Variants in NBEA observed in about 807,000 individuals in gnomAD.
NBEA encodes the protein lysosomal-trafficking regulator 2.
NBEA carries 44 observed loss-of-function variants against 343.4 expected under a neutral mutation model. The ratio of observed to expected loss-of-function variants is 0.13; its 90% CI spans 0.10 to 0.16. The LOEUF is 0.16. NBEA is among the 10% of genes least tolerant of loss of function. NBEA has a pLI of 1.00. For missense variants in NBEA, 2,555 were observed against 3,631.3 expected, an observed-to-expected ratio of 0.70 and a Z score of 7.62; for synonymous variants, 1,175 against 1,238.7, an observed-to-expected ratio of 0.95 and a Z score of 1.08.
chr13:35,293,145 C>T (rs892503869), intron 35 of NBEA, among the ~76,000 whole-genome samples: 7 of 151,884 alleles, frequency 4.6e-5, no homozygotes, highest in African/African-American at 9.7e-5. Flanking sequence ...TCTAAATTTA[C>T]GTGAGATCAT....
intron 39 of NBEA, among the ~76,000 whole-genome samples, chr13:35,445,798 A>G (rs12874665): frequency 1.9e-3 from 157 of 83,954 alleles, no homozygotes; most frequent in Non-Finnish European, 2.1e-3. Context: ...ATATATATAT[A>G]TATATATATA....
At chr13:35,609,944 C>T (rs1346196480) in intron 48 of NBEA, among the ~76,000 whole-genome samples, 1 of 152,136 alleles carries the variant, frequency 6.6e-6, no homozygotes, top group African/African-American at 2.4e-5. Flanking sequence ...AGTAAAGGTC[C>T]TCAGTGATAT....
intron 1 of NBEA, among the ~76,000 whole-genome samples, chr13:35,026,505 A>G (rs2062024627): frequency 6.6e-6 from 1 of 152,064 alleles, no homozygotes; most frequent in Admixed American, 6.6e-5. Flanking sequence ...TTTCATAGTT[A>G]TCCATACCCA....
intron 1 of NBEA, among the ~76,000 whole-genome samples, chr13:35,036,526 TTAA>T (rs1188588235): frequency 2.0e-5 from 3 of 152,150 alleles, no homozygotes; most frequent in African/African-American, 7.2e-5. Context: ...TTATTGCTTA[TTAA>T]TGCCCTTTTC....
chr13:35,309,002 A>G (rs964107207), intron 35 of NBEA, among the ~76,000 whole-genome samples: 1 of 151,952 alleles, frequency 6.6e-6, no homozygotes, highest in Non-Finnish European at 1.5e-5. Flanking sequence ...GTTAATTTGT[A>G]ACTTTTTTCT....
At chr13:35,647,260 A>C (rs1004078036) in intron 51 of NBEA, among the ~76,000 whole-genome samples, 5 of 152,122 alleles carry the variant, frequency 3.3e-5, no homozygotes, top group Non-Finnish European at 7.4e-5. Context: ...CTATTTTTTT[A>C]CTGAAGTAAA....
chr13:35,156,062 G>T (rs868309649), intron 19 of NBEA, 21 bp from the exon 20 acceptor site: 15 of 1,559,284 alleles, frequency 9.6e-6, no homozygotes, highest in African/African-American at 1.4e-5. Context: ...AAATCTACAA[G>T]TTTTTTTTCT....
chr13:35,182,377 A>C lies in NBEA; in HGVS notation c.4680A>C (p.Ala1560=). Reference sequence around the variant, plus strand: ...TTTCATAGGATGATAGCAAACAAGCACAGTTCTTAGCTCTGGCTGTTGTTT... The same window carrying C: ...TTTCATAGGATGATAGCAAACAAGCCCAGTTCTTAGCTCTGGCTGTTGTTT... ...VFRDVDDSKQ[A]QFLALAVVYF... is the part of the protein sequence containing the mutation. Residue 1560 remains alanine, a synonymous_variant, in exon 29 of 59, where the codon GCA becomes GCC. Transcript: ENST00000379939. 2 of 1,605,702 alleles carry C rather than the reference A, an allele frequency of 1.2e-6. No individual in the cohort carries two copies. The highest frequency in any genetic ancestry group is 1.7e-6 in the Non-Finnish European group (2 of 1,176,430).
At chr13:35,222,824 T>C (rs1399862212) in intron 33 of NBEA, among the ~76,000 whole-genome samples, 3 of 152,196 alleles carry the variant, frequency 2.0e-5, no homozygotes, top group East Asian at 1.9e-4. Flanking sequence ...TTTACTTTTA[T>C]ATATCTTAAC....
At chr13:35,200,778 A>C (rs944969301) in intron 31 of NBEA, among the ~76,000 whole-genome samples, 20 of 151,980 alleles carry the variant, frequency 1.3e-4, no homozygotes, top group Non-Finnish European at 2.7e-4. Context: ...AGCAACTTAG[A>C]TAGACTTCAT....
At chr13:35,503,885 AG>A (rs2076979142) in intron 41 of NBEA, among the ~76,000 whole-genome samples, 1 of 152,150 alleles carries the variant, frequency 6.6e-6, no homozygotes, top group African/African-American at 2.4e-5. Flanking sequence ...ATAGCTTGTA[AG>A]CTTAAAATTG....
chr13:35,020,187 A>C (rs759500562), intron 1 of NBEA, among the ~76,000 whole-genome samples: 5 of 151,976 alleles, frequency 3.3e-5, no homozygotes, highest in Non-Finnish European at 7.4e-5. Flanking sequence ...ATATCTAATA[A>C]ATTTTGATAT....
At chr13:35,212,428 T>C (rs1157359651) in intron 33 of NBEA, among the ~76,000 whole-genome samples, 2 of 152,180 alleles carry the variant, frequency 1.3e-5, no homozygotes, top group Non-Finnish European at 2.9e-5. Flanking sequence ...TTTGGAATTT[T>C]CCATTTCTTA....
chr13:35,172,724 G>T (rs2070564816), intron 26 of NBEA, among the ~76,000 whole-genome samples: 1 of 152,008 alleles, frequency 6.6e-6, no homozygotes. Flanking sequence ...GCCCTCTAAG[G>T]CAGTTACTTT....
intron 40 of NBEA, among the ~76,000 whole-genome samples, chr13:35,453,471 T>G (rs964830554): frequency 6.6e-6 from 1 of 152,232 alleles, no homozygotes; most frequent in Non-Finnish European, 1.5e-5. Flanking sequence ...AGAGATTTTA[T>G]ATGAGGCCAT....
rs374848049 is a variant in NBEA at position 35,134,263 on chromosome 13, T to C, written c.2337-8006T>C. On this transcript the variant is annotated intron_variant, in intron 17 of 58. Coordinates refer to ENST00000379939, the MANE Select transcript of NBEA (RefSeq NM_001385012.1). ...GACCAATTGATAATACATACAGATA[T>C]AGAGAAATTGAGTAATAGATTCATA... 3.6e-4 allele frequency among the ~76,000 whole-genome samples: 54 copies of C among 151,758 alleles called. No homozygotes were observed. The East Asian group carries it at 6.0e-3, about 17-fold the overall frequency.
chr13:35,594,643 G>A (rs2081684169), intron 47 of NBEA, among the ~76,000 whole-genome samples: 1 of 151,922 alleles, frequency 6.6e-6, no homozygotes, highest in Non-Finnish European at 1.5e-5. Context: ...ATATCCATAA[G>A]CCATCATTTA....
intron 47 of NBEA, among the ~76,000 whole-genome samples, chr13:35,597,747 A>G (rs1392869260): frequency 6.6e-6 from 1 of 152,174 alleles, no homozygotes; most frequent in Non-Finnish European, 1.5e-5. Flanking sequence ...GAGGATTTTA[A>G]GAATGGGAGC....
chr13:35,166,536 A>G (rs1211866632), intron 24 of NBEA, among the ~76,000 whole-genome samples: 3 of 151,904 alleles, frequency 2.0e-5, no homozygotes, highest in Non-Finnish European at 1.5e-5. Flanking sequence ...TATTTTCTCA[A>G]TTTCTATATT....
Sources: allele counts gnomAD v4.1 joint callset (sites outside exome capture counted in the v4.1 genomes callset), GRCh38; gene constraint gnomAD v4.1.1; transcripts MANE v1.5; gene names NCBI Gene and HGNC (gene_info 2026-07-23, HGNC 2026-07-21).